ITGA8: variants seen among roughly 807,000 people sequenced by gnomAD.
ITGA8 encodes integrin alpha-8.
A neutral mutation model predicts 142.3 loss-of-function variants in ITGA8; 91 were observed. The ratio of observed to expected loss-of-function variants is 0.64; its 90% CI spans 0.54 to 0.76. The LOEUF is 0.76. Ranked by LOEUF, ITGA8 falls within the 30% of genes least tolerant of loss-of-function variation. ITGA8 has a pLI of 0.00. For synonymous variants in ITGA8, 505 were observed against 485.2 expected, an observed-to-expected ratio of 1.04 and a Z score of -0.54; for missense variants, 1,406 against 1,327.7, an observed-to-expected ratio of 1.06 and a Z score of -0.92.
At chr10:15,701,582 C>G (rs1835165352) in intron 2 of ITGA8, among the ~76,000 whole-genome samples, 2 of 151,986 alleles carry the variant, frequency 1.3e-5, no homozygotes, top group African/African-American at 4.8e-5. Context: ...TTTTTCTAAT[C>G]TTTTAGCCTA....
At chr10:15,562,547 T>A (rs1020591079) in intron 25 of ITGA8, among the ~76,000 whole-genome samples, 27 of 152,168 alleles carry the variant, frequency 1.8e-4, no homozygotes, top group African/African-American at 6.3e-4. Context: ...GAGAGTGGGA[T>A]GGGGTAACTG....
At chr10:15,699,440 T>A (rs1021509464) in intron 2 of ITGA8, among the ~76,000 whole-genome samples, 2 of 152,234 alleles carry the variant, frequency 1.3e-5, no homozygotes, top group African/African-American at 4.8e-5. Flanking sequence ...GAAACATAGA[T>A]GAGTGAATGT....
chr10:15,704,957 A>G (rs1387719938), intron 2 of ITGA8, among the ~76,000 whole-genome samples: 1 of 152,020 alleles, frequency 6.6e-6, no homozygotes, highest in African/African-American at 2.4e-5. Flanking sequence ...AAGGGTCCCA[A>G]CCATTCACCT....
chr10:15,657,828 T>C (rs1187079423), intron 10 of ITGA8, among the ~76,000 whole-genome samples: 3 of 152,230 alleles, frequency 2.0e-5, no homozygotes, highest in Non-Finnish European at 2.9e-5. Flanking sequence ...TGTTTGTAAA[T>C]AGTCACATAT....
chr10:15,668,683 C>G (rs964080790), intron 8 of ITGA8, among the ~76,000 whole-genome samples: 1 of 151,962 alleles, frequency 6.6e-6, no homozygotes, highest in African/African-American at 2.4e-5. Flanking sequence ...ATGTTTAGTG[C>G]TTCCTTCAGG....
chr10:15,704,913 A>G lies in ITGA8; in HGVS notation c.343+13853T>C, dbSNP rs559023157. On this transcript the variant is annotated intron_variant, in intron 2 of 29. Transcript: ENST00000378076. ...TCCTGTTACATGGTCTTATATTTCT[A>G]AGAATCTCATGCCTGCTGCCAAAAG... Among the ~76,000 whole-genome samples, 34 of 152,326 alleles carry G rather than the reference A, an allele frequency of 2.2e-4. No homozygotes were observed. The South Asian group carries it at 3.1e-3, about 14-fold the overall frequency.
chr10:15,713,683 G>T (rs1018631594), intron 2 of ITGA8, among the ~76,000 whole-genome samples: 1 of 152,060 alleles, frequency 6.6e-6, no homozygotes, highest in African/African-American at 2.4e-5. Context: ...CCCTAAGCCA[G>T]TTGCAGAACC....
intron 13 of ITGA8, among the ~76,000 whole-genome samples, chr10:15,631,836 G>A (rs374839909): frequency 6.7e-6 from 1 of 150,066 alleles, no homozygotes; most frequent in Non-Finnish European, 1.5e-5. Context: ...TCTATTAACT[G>A]TATCTTTATA....
intron 25 of ITGA8, among the ~76,000 whole-genome samples, chr10:15,558,448 T>C (rs1225064876): frequency 6.6e-6 from 1 of 152,194 alleles, no homozygotes; most frequent in Non-Finnish European, 1.5e-5. Context: ...GAAGTTTATC[T>C]TGCAAGGAGA....
In ITGA8 at chr10:15,613,029, T is replaced by C. The variant is rs563016523; in HGVS notation, c.1553+631A>G. ...TACAAAAATTAGCTGGGAATGATGG[T>C]GGGTGCCTGTAATTCCAGCTACTCA... On this transcript the variant is annotated intron_variant, in intron 15 of 29. Coordinates refer to ENST00000378076, the MANE Select transcript of ITGA8 (RefSeq NM_003638.3). Among the ~76,000 whole-genome samples the C allele has an allele frequency of 4.6e-5, 7 of 152,206 alleles. No individual in the cohort carries two copies. The East Asian group carries it at 1.2e-3, about 25-fold the overall frequency.
Position 15,514,045 on chromosome 10 carries a change from C to T in ITGA8, c.*3113G>A, listed in dbSNP as rs1366698855. The T allele has an allele frequency of 6.6e-6, 1 of 152,066 alleles. No individual in the cohort carries two copies. The highest frequency in any genetic ancestry group is 1.5e-5 in the Non-Finnish European group (1 of 68,016). The allele number at this position is 152,066 out of a possible 1,614,324, so 9.4% of individuals were successfully genotyped here. On this transcript the variant is annotated 3_prime_UTR_variant, in exon 30 of 30. Coordinates refer to ENST00000378076, the MANE Select transcript of ITGA8 (RefSeq NM_003638.3). ...GCACGTATTTAAATAAAACAAGAGT[C>T]GAGTTCTAAGAATGCAGTTTCAGGG...
intron 8 of ITGA8, among the ~76,000 whole-genome samples, chr10:15,667,056 T>C (rs570439306): frequency 6.6e-6 from 1 of 152,338 alleles, no homozygotes; most frequent in East Asian, 1.9e-4. Flanking sequence ...GAGGATTCCC[T>C]CTTTTTCTAT....
At chr10:15,637,125 A>G (rs1174251002) in intron 13 of ITGA8, among the ~76,000 whole-genome samples, 3 of 152,192 alleles carry the variant, frequency 2.0e-5, no homozygotes, top group African/African-American at 7.2e-5. Context: ...AACCTGGGCG[A>G]TAGAGTGAGA....
At chr10:15,671,557 T>G in intron 8 of ITGA8, 46 bp downstream of exon 8, 1 of 1,519,480 alleles carries the variant, frequency 6.6e-7, no homozygotes, top group Non-Finnish European at 9.1e-7. Context: ...CATTTTACCA[T>G]TTCCCCATGC....
At chr10:15,707,015 C>G (rs980540534) in intron 2 of ITGA8, among the ~76,000 whole-genome samples, 2 of 152,186 alleles carry the variant, frequency 1.3e-5, no homozygotes. Context: ...GAACATGTCT[C>G]CCTTGGATAC....
chr10:15,551,845 T>G (rs1202348332), intron 26 of ITGA8, among the ~76,000 whole-genome samples: 1 of 152,154 alleles, frequency 6.6e-6, no homozygotes, highest in Non-Finnish European at 1.5e-5. Context: ...TCATAAGATT[T>G]GCAATTTTTG....
intron 8 of ITGA8, among the ~76,000 whole-genome samples, chr10:15,665,864 C>A (rs1453771612): frequency 6.6e-6 from 1 of 152,124 alleles, no homozygotes; most frequent in Non-Finnish European, 1.5e-5. Flanking sequence ...CTGTTCTGTT[C>A]CATTGATCTA....
At chr10:15,712,237 TG>T (rs2131739485) in intron 2 of ITGA8, among the ~76,000 whole-genome samples, 1 of 152,330 alleles carries the variant, frequency 6.6e-6, no homozygotes, top group Middle Eastern at 3.4e-3. Flanking sequence ...GATGAATGAG[TG>T]TTTTTTTAAT....
intron 2 of ITGA8, among the ~76,000 whole-genome samples, chr10:15,703,129 G>A (rs1465001514): frequency 6.6e-6 from 1 of 152,186 alleles, no homozygotes; most frequent in Non-Finnish European, 1.5e-5. Flanking sequence ...CTAAATGCAT[G>A]CTTTTAGAGT....
Sources: allele counts gnomAD v4.1 joint callset (sites outside exome capture counted in the v4.1 genomes callset), GRCh38; gene constraint gnomAD v4.1.1; transcripts MANE v1.5; gene names NCBI Gene and HGNC (gene_info 2026-07-23, HGNC 2026-07-21).